Variants in SUPT16H observed in about 807,000 individuals in gnomAD.
SUPT16H encodes the protein SPT16 homolog, facilitates chromatin remodeling subunit.
In SUPT16H, 24 loss-of-function variants were observed where a neutral mutation model predicts 136.2. The observed-to-expected ratio is 0.18, with a 90% CI of 0.13 to 0.25. The LOEUF (loss-of-function observed/expected upper bound fraction) is 0.25. Among genes scored for constraint, SUPT16H ranks in the 10% least tolerant of loss-of-function variants. The pLI, the probability that SUPT16H is intolerant of heterozygous loss-of-function variation, is 1.00. For missense variants in SUPT16H, 623 were observed against 1,270.2 expected (o/e 0.49, Z 7.74); for synonymous variants, 415 against 428.2 (o/e 0.97, Z 0.38).
At position 21,355,456 on chromosome 14, in the gene SUPT16H, G is replaced by A. The variant is rs535358887; in HGVS notation, c.2661-916C>T. 8.3e-5 allele frequency among the ~76,000 whole-genome samples: 12 copies of A among 145,052 alleles called. 1 individual carries two copies. The South Asian group carries it at 1.7e-3, about 21-fold the overall frequency. Reference sequence around the variant, plus strand: ...TGCAGTGAGCCGAGATCGTGCCACTGCACTCCAGCCTGGGCAACAGAGTGA... The same window carrying A: ...TGCAGTGAGCCGAGATCGTGCCACTACACTCCAGCCTGGGCAACAGAGTGA... On this transcript the variant is annotated intron_variant, in intron 22 of 25. Transcript: ENST00000216297.
chr14:21,382,909 G>C (rs1887062801), intron 1 of SUPT16H: 1 of 152,102 alleles, frequency 6.6e-6, no homozygotes, highest in Admixed American at 6.5e-5. Flanking sequence ...CTTGGTTTTA[G>C]TAGATGACCA....
At chr14:21,356,883 G>A (rs915999263) in intron 22 of SUPT16H, among the ~76,000 whole-genome samples, 1 of 152,146 alleles carries the variant, frequency 6.6e-6, no homozygotes, top group Non-Finnish European at 1.5e-5. Context: ...ATCCTGGTAC[G>A]TTGGGAGACC....
chr14:21,361,936 A>AT (rs1213213914), intron 15 of SUPT16H, among the ~76,000 whole-genome samples: 2 of 152,010 alleles, frequency 1.3e-5, no homozygotes, highest in Admixed American at 1.3e-4. Context: ...CTGGTTAATT[A>AT]TTTTTTAGAA....
intron 23 of SUPT16H, 151 bp from the exon 24 acceptor site, chr14:21,353,983 A>C: frequency 1.4e-6 from 1 of 692,230 alleles, no homozygotes. Flanking sequence ...GACTTGTTTA[A>C]AATTAGTGGT....
rs1405494031 is a variant in SUPT16H at position 21,362,750 on chromosome 14, T to A, written c.1665+44A>T. ...TTTATGGCAAATACAATTACTATTT[T>A]AAGCAACAGTTTGGATGAAACCTGA... On this transcript the variant is annotated intron_variant, in intron 14 of 25. Coordinates refer to ENST00000216297, the MANE Select transcript of SUPT16H (RefSeq NM_007192.4). 7 of 1,549,702 alleles carry A rather than the reference T, an allele frequency of 4.5e-6. No homozygotes were observed. In the Admixed American group the frequency reaches 1.4e-4, roughly 31 times the overall value.
chr14:21,362,985 A>G, intron 13 of SUPT16H, 38 bp from the exon 14 acceptor site: 1 of 1,613,406 alleles, frequency 6.2e-7, no homozygotes, highest in East Asian at 2.2e-5. Flanking sequence ...AAATTTCTGC[A>G]GTCCCACAGA....
intron 1 of SUPT16H, among the ~76,000 whole-genome samples, chr14:21,379,649 T>C (rs1886977996): frequency 6.6e-6 from 1 of 151,896 alleles, no homozygotes; most frequent in African/African-American, 2.4e-5. Flanking sequence ...GCCCATGAGT[T>C]TGAGACCAGC....
intron 16 of SUPT16H, 38 bp downstream of exon 16, chr14:21,361,037 CCTT>C (rs1315113833): frequency 2.5e-6 from 4 of 1,611,092 alleles, no homozygotes; most frequent in Non-Finnish European, 2.5e-6. Context: ...AAATACATGT[CCTT>C]CTTTGTGTAA....
chr14:21,373,391 C>A lies in SUPT16H; in HGVS notation c.106G>T (p.Val36Leu). The A allele has an allele frequency of 6.2e-7, 1 of 1,614,126 alleles. No homozygotes were observed. Among genetic ancestry groups the A allele is most frequent in the Non-Finnish European group, 8.5e-7 (1 of 1,179,992 alleles). Residue 36 changes from valine (V) to leucine (L), a missense_variant, in exon 2 of 26, where the codon GTA becomes TTA. By Grantham distance (32) the Val-to-Leu change is conservative. Coordinates refer to ENST00000216297, the MANE Select transcript of SUPT16H (RefSeq NM_007192.4). The stretch of plus-strand genomic sequence containing the variant: ...ATTTCTTCATCAACACCCACTGATA[C>A]AACAATGGCATCAACGTTGGCATAC... ...DEYANVDAIV[V>L]SVGVDEEIVY...
At chr14:21,352,861 A>C (rs1886349276) in intron 25 of SUPT16H, 43 bp from the exon 26 acceptor site, 1 of 1,613,194 alleles carries the variant, frequency 6.2e-7, no homozygotes, top group East Asian at 2.2e-5. Context: ...GGTAAGCTTT[A>C]GGTACCTAAT....
intron 3 of SUPT16H, 101 bp downstream of exon 3, chr14:21,371,773 T>G (rs141517668): frequency 7.1e-7 from 1 of 1,408,112 alleles, no homozygotes; most frequent in Non-Finnish European, 9.7e-7. Flanking sequence ...CAGCCACCTA[T>G]AATTTCCCCT....
At chr14:21,368,748 A>G (rs576971262) in intron 6 of SUPT16H, among the ~76,000 whole-genome samples, 4 of 152,336 alleles carry the variant, frequency 2.6e-5, no homozygotes, top group African/African-American at 9.6e-5. Flanking sequence ...GGTTGTGAGG[A>G]GTCACTTATC....
chr14:21,369,629 C>A, intron 5 of SUPT16H, 121 bp downstream of exon 5: 4 of 1,303,340 alleles, frequency 3.1e-6, no homozygotes, highest in Non-Finnish European at 3.2e-6. Context: ...GATGTAATTA[C>A]CACCAACTTA....
intron 19 of SUPT16H, among the ~76,000 whole-genome samples, chr14:21,358,922 A>G (rs1886490909): frequency 6.8e-6 from 1 of 147,624 alleles, no homozygotes; most frequent in Non-Finnish European, 1.5e-5. Context: ...CTCCCGCCTC[A>G]GCCTCCCGAG....
intron 22 of SUPT16H, chr14:21,355,075 C>T (rs1484661747): frequency 6.5e-6 from 1 of 152,754 alleles, no homozygotes; most frequent in African/African-American, 2.4e-5. Context: ...CTCTTCTTCA[C>T]TTAGTCTTCT....
chr14:21,374,276 G>A (rs982300778), intron 1 of SUPT16H, among the ~76,000 whole-genome samples: 3 of 152,242 alleles, frequency 2.0e-5, no homozygotes, highest in African/African-American at 7.2e-5. Flanking sequence ...GGAAGCCATG[G>A]TAGTTTTTGT....
chr14:21,359,796 C>T (rs1257406962), intron 18 of SUPT16H, among the ~76,000 whole-genome samples, 187 bp from the exon 19 acceptor site: 1 of 152,128 alleles, frequency 6.6e-6, no homozygotes, highest in African/African-American at 2.4e-5. Context: ...TGCTGTGCTC[C>T]TACTTATTAC....
Position 21,360,951 on chromosome 14 carries a change from G to A in SUPT16H, c.1951C>T (p.Leu651=). The A allele has an allele frequency of 6.2e-7, 1 of 1,614,076 alleles. No homozygotes were observed. The highest frequency in any genetic ancestry group is 8.5e-7 in the Non-Finnish European group (1 of 1,179,984). ...EKEGIVKQDS[L]VINLNRSNPK... ...TTACTCCGGTTTAGATTGATCACCA[G>A]TGAGTCTTGTTTTACAATCCCCTAA... Residue 651 remains leucine, a synonymous_variant, in exon 17 of 26, where the codon CTG becomes TTG. Coordinates refer to ENST00000216297, the MANE Select transcript of SUPT16H (RefSeq NM_007192.4).
At chr14:21,359,822 C>T (rs1380571108) in intron 18 of SUPT16H, among the ~76,000 whole-genome samples, 1 of 152,132 alleles carries the variant, frequency 6.6e-6, no homozygotes, top group Non-Finnish European at 1.5e-5. Flanking sequence ...CTTTGGAAAT[C>T]ATGTTGGTAA....
Sources: gnomAD v4.1 joint callset for allele counts (sites outside exome capture counted in the v4.1 genomes callset) on GRCh38, gnomAD v4.1.1 for gene constraint, MANE v1.5 for transcripts, NCBI Gene and HGNC (gene_info 2026-07-23, HGNC 2026-07-21) for gene names.